The following DOCK3 variants were observed in gnomAD, a reference collection of about 807,000 sequenced individuals.
DOCK3 encodes dedicator of cytokinesis protein 3.
In DOCK3, 60 loss-of-function variants were observed where a neutral mutation model predicts 265.6. That is an observed-to-expected ratio of 0.23 (90% CI 0.18 to 0.28). The LOEUF (loss-of-function observed/expected upper bound fraction) is 0.28, where lower values mean the gene tolerates loss of function less well. DOCK3 is among the 10% of genes least tolerant of loss of function. DOCK3 has a pLI of 1.00. For missense variants in DOCK3, 1,981 were observed against 2,594.3 expected, an observed-to-expected ratio of 0.76 and a Z score of 5.14; for synonymous variants, 881 against 938.0, an observed-to-expected ratio of 0.94 and a Z score of 1.11.
chr3:50,734,530 A>G (rs749116597), intron 1 of DOCK3, among the ~76,000 whole-genome samples: 71 of 151,218 alleles, frequency 4.7e-4, no homozygotes, highest in Non-Finnish European at 1.0e-4. Context: ...AAACTCTACA[A>G]CTGTAACTTC....
intron 4 of DOCK3, among the ~76,000 whole-genome samples, chr3:50,930,437 A>G (rs1046722148): frequency 6.6e-6 from 1 of 152,060 alleles, no homozygotes; most frequent in Non-Finnish European, 1.5e-5. Context: ...CAGGTCCACA[A>G]CCCTGACTTG....
At chr3:50,973,960 T>A (rs1283584581) in intron 5 of DOCK3, among the ~76,000 whole-genome samples, 2 of 146,680 alleles carry the variant, frequency 1.4e-5, no homozygotes, top group African/African-American at 5.0e-5. Context: ...TCTGTTCATG[T>A]CCTTTGCCCA....
chr3:50,863,745 C>T (rs1284822197), intron 3 of DOCK3, among the ~76,000 whole-genome samples: 2 of 152,190 alleles, frequency 1.3e-5, no homozygotes, highest in Admixed American at 6.5e-5. Flanking sequence ...TTTCACTTAA[C>T]GTAATGATCA....
intron 27 of DOCK3, among the ~76,000 whole-genome samples, chr3:51,306,128 A>G (rs2082679388): frequency 6.6e-6 from 1 of 151,706 alleles, no homozygotes; most frequent in Non-Finnish European, 1.5e-5. Context: ...AGCCTCTCAA[A>G]GTGCTAGGAT....
intron 1 of DOCK3, among the ~76,000 whole-genome samples, chr3:50,746,130 G>A (rs1452845277): frequency 1.7e-5 from 2 of 119,364 alleles, no homozygotes; most frequent in African/African-American, 3.1e-5. Context: ...TTTTTTTTGA[G>A]ACAGAGTCTT....
intron 38 of DOCK3, among the ~76,000 whole-genome samples, chr3:51,343,849 G>C (rs1229829896): frequency 6.6e-6 from 1 of 152,192 alleles, no homozygotes; most frequent in African/African-American, 2.4e-5. Flanking sequence ...GCCTAGTCCT[G>C]GGCCATTCTC....
chr3:51,325,074 T>G (rs1380351794), intron 32 of DOCK3, among the ~76,000 whole-genome samples: 1 of 152,160 alleles, frequency 6.6e-6, no homozygotes, highest in Non-Finnish European at 1.5e-5. Flanking sequence ...AAATGGGATC[T>G]AATTAAACTA....
At chr3:51,324,616 T>C (rs1271478710) in intron 32 of DOCK3, among the ~76,000 whole-genome samples, 1 of 152,118 alleles carries the variant, frequency 6.6e-6, no homozygotes, top group African/African-American at 2.4e-5. Flanking sequence ...CAAGATAATC[T>C]TAGGCAAAAA....
intron 9 of DOCK3, among the ~76,000 whole-genome samples, chr3:51,095,777 G>A (rs28514661): frequency 1.2e-3 from 151 of 130,548 alleles, no homozygotes; most frequent in African/African-American, 4.2e-3. Flanking sequence ...AACATTTCAT[G>A]CTCATTAAAC....
chr3:51,062,580 C>T (rs1181855258), intron 5 of DOCK3, among the ~76,000 whole-genome samples: 1 of 152,120 alleles, frequency 6.6e-6, no homozygotes, highest in African/African-American at 2.4e-5. Flanking sequence ...AATTTATCAC[C>T]ATCATTAATG....
At chr3:50,815,093 G>T (rs1047494969) in intron 2 of DOCK3, among the ~76,000 whole-genome samples, 6 of 152,094 alleles carry the variant, frequency 3.9e-5, no homozygotes, top group Admixed American at 2.6e-4. Context: ...AAAGTGCTGG[G>T]ATTACAGGTG....
At position 50,691,433 on chromosome 3, in the gene DOCK3, G is replaced by A. The variant is rs533874340; in HGVS notation, c.37+16133G>A. 6.6e-5 allele frequency among the ~76,000 whole-genome samples: 10 copies of A among 152,148 alleles called. No individual in the cohort carries two copies. In the South Asian group the frequency reaches 2.1e-3, roughly 32 times the overall value. ...TGTCTGAATGATGTTTCAGTGTATG[G>A]GTATACCACATTTTGTTTATTCCTT... On this transcript the variant is annotated intron_variant, in intron 1 of 52. Coordinates refer to ENST00000266037, the MANE Select transcript of DOCK3 (RefSeq NM_004947.5).
chr3:51,279,871 T>C (rs572035696), intron 26 of DOCK3, among the ~76,000 whole-genome samples: 23 of 152,256 alleles, frequency 1.5e-4, no homozygotes, highest in African/African-American at 5.5e-4. Context: ...CAGTACTACT[T>C]TATTATAGTT....
intron 3 of DOCK3, among the ~76,000 whole-genome samples, chr3:50,851,390 G>C (rs2046352085): frequency 6.6e-6 from 1 of 152,030 alleles, no homozygotes; most frequent in Non-Finnish European, 1.5e-5. Flanking sequence ...CAGTAAGGGT[G>C]GGGCAGTTCA....
intron 27 of DOCK3, among the ~76,000 whole-genome samples, chr3:51,299,264 GT>G (rs202079825): frequency 0.038 from 5,634 of 148,096 alleles, 395 homozygotes; most frequent in African/African-American, 0.13. Flanking sequence ...TTTTTAATGG[GT>G]TTTTTTTTTC....
At chr3:51,121,706 G>A (rs918117281) in intron 9 of DOCK3, among the ~76,000 whole-genome samples, 1 of 152,148 alleles carries the variant, frequency 6.6e-6, no homozygotes, top group African/African-American at 2.4e-5. Context: ...GTCTCTGTGG[G>A]GAATGAGGGA....
intron 5 of DOCK3, among the ~76,000 whole-genome samples, chr3:50,977,001 T>C (rs1403645625): frequency 2.0e-5 from 3 of 149,724 alleles, no homozygotes; most frequent in Non-Finnish European, 4.5e-5. Flanking sequence ...GCTTGGTAGA[T>C]CTTCCTCCAT....
intron 7 of DOCK3, among the ~76,000 whole-genome samples, chr3:51,083,788 G>A (rs750291680): frequency 6.6e-6 from 1 of 152,086 alleles, no homozygotes; most frequent in Non-Finnish European, 1.5e-5. Flanking sequence ...TTCGAGACCA[G>A]CCTGACCAAC....
chr3:50,727,065 A>C (rs1431614904), intron 1 of DOCK3, among the ~76,000 whole-genome samples: 1 of 152,240 alleles, frequency 6.6e-6, no homozygotes, highest in Non-Finnish European at 1.5e-5. Flanking sequence ...AAAACAGAGG[A>C]GGCACAGAAG....
Sources: gnomAD v4.1 joint callset for allele counts (sites outside exome capture counted in the v4.1 genomes callset) on GRCh38, gnomAD v4.1.1 for gene constraint, MANE v1.5 for transcripts, NCBI Gene and HGNC (gene_info 2026-07-23, HGNC 2026-07-21) for gene names.